The following ANKRD44 variants were observed in gnomAD, a reference collection of about 807,000 sequenced individuals.
ANKRD44 encodes ankyrin repeat domain 44.
In ANKRD44, 35 loss-of-function variants were observed where a neutral mutation model predicts 116.0. The observed-to-expected ratio is 0.30, with a 90% CI of 0.23 to 0.40. ANKRD44 has a LOEUF of 0.40. Ranked by LOEUF, ANKRD44 falls within the 10% of genes least tolerant of loss-of-function variation. The pLI is 1.00. For missense variants in ANKRD44, 1,014 were observed against 1,242.6 expected (o/e 0.82, Z 2.77); for synonymous variants, 435 against 461.8 (o/e 0.94, Z 0.74).
At chr2:197,136,475 C>G (rs995941129) in intron 4 of ANKRD44, 117 bp downstream of exon 4, 4 of 911,650 alleles carry the variant, frequency 4.4e-6, no homozygotes, top group East Asian at 2.5e-5. Context: ...TTTGGGTAAC[C>G]CTCTTACATT....
chr2:197,159,960 C>T (rs2079917699), intron 2 of ANKRD44, among the ~76,000 whole-genome samples: 1 of 152,170 alleles, frequency 6.6e-6, no homozygotes, highest in African/African-American at 2.4e-5. Context: ...GCTTCATCCT[C>T]CTCACAGCAT....
chr2:197,262,467 T>C (rs1444959068), intron 1 of ANKRD44, among the ~76,000 whole-genome samples: 2 of 152,220 alleles, frequency 1.3e-5, no homozygotes, highest in African/African-American at 4.8e-5. Flanking sequence ...TACCCCCTAG[T>C]GGGTGCCCTT....
intron 2 of ANKRD44, among the ~76,000 whole-genome samples, chr2:197,155,885 A>G (rs2079796722): frequency 6.6e-6 from 1 of 152,196 alleles, no homozygotes. Flanking sequence ...TAAGCCACAG[A>G]CTGGGGGAAC....
intron 1 of ANKRD44, among the ~76,000 whole-genome samples, chr2:197,188,742 A>G (rs142454912): frequency 3.2e-4 from 46 of 143,928 alleles, no homozygotes; most frequent in African/African-American, 1.1e-3. Flanking sequence ...ATCCTTGGTA[A>G]TTATGCACAC....
chr2:197,116,105 A>G (rs2078700768), intron 8 of ANKRD44, among the ~76,000 whole-genome samples: 1 of 152,238 alleles, frequency 6.6e-6, no homozygotes, highest in African/African-American at 2.4e-5. Flanking sequence ...AAGGGGCTGC[A>G]AAAACCAATG....
At chr2:197,134,098 C>G (rs1258041812) in intron 4 of ANKRD44, 1 of 152,016 alleles carries the variant, frequency 6.6e-6, no homozygotes, top group African/African-American at 2.4e-5. Context: ...GGGTTACAGG[C>G]ATGCGCCACC....
At chr2:197,049,687 G>A (rs2077069340) in intron 16 of ANKRD44, among the ~76,000 whole-genome samples, 1 of 151,278 alleles carries the variant, frequency 6.6e-6, no homozygotes, top group Admixed American at 6.6e-5. Context: ...TTGATATATT[G>A]CCCAGGCTGG....
intron 1 of ANKRD44, among the ~76,000 whole-genome samples, chr2:197,243,559 T>A (rs566060403): frequency 1.2e-3 from 185 of 152,344 alleles, no homozygotes; most frequent in Non-Finnish European, 1.9e-3. Flanking sequence ...CTTGAGTTGC[T>A]ATAACAAAAT....
chr2:197,300,031 G>A (rs1484008941), intron 1 of ANKRD44, among the ~76,000 whole-genome samples: 65 of 152,062 alleles, frequency 4.3e-4, no homozygotes, highest in Admixed American at 4.3e-3. Flanking sequence ...GGCCCATAAG[G>A]CAACACCTTA....
chr2:197,272,490 C>T (rs1211442556), intron 1 of ANKRD44, among the ~76,000 whole-genome samples: 1 of 152,234 alleles, frequency 6.6e-6, no homozygotes, highest in Non-Finnish European at 1.5e-5. Context: ...CCCGCCTTGG[C>T]CTCCCAAAGT....
intron 2 of ANKRD44, among the ~76,000 whole-genome samples, chr2:197,185,696 C>T (rs17388650): frequency 0.052 from 7,890 of 152,218 alleles, 308 homozygotes; most frequent in Middle Eastern, 0.11. Context: ...TACAGTGATT[C>T]TTAATCTTTT....
chr2:197,256,039 CAG>C (rs1296399266), intron 1 of ANKRD44, among the ~76,000 whole-genome samples: 1 of 152,174 alleles, frequency 6.6e-6, no homozygotes, highest in Non-Finnish European at 1.5e-5. Context: ...ACTTTCTTAA[CAG>C]GGGCTGTCTT....
intron 6 of ANKRD44, among the ~76,000 whole-genome samples, chr2:197,123,589 C>T (rs1214469121): frequency 6.6e-6 from 1 of 152,196 alleles, no homozygotes; most frequent in Non-Finnish European, 1.5e-5. Context: ...CGACATCACA[C>T]CACTGCACTC....
intron 17 of ANKRD44, among the ~76,000 whole-genome samples, chr2:197,014,715 C>T (rs1558991147): frequency 6.6e-6 from 1 of 150,994 alleles, no homozygotes; most frequent in African/African-American, 2.4e-5. Flanking sequence ...GAACCCAAGG[C>T]GGAGGTTGCA....
intron 4 of ANKRD44, 40 bp from the exon 5 acceptor site, chr2:197,126,077 G>A (rs747330379): frequency 2.2e-5 from 35 of 1,601,752 alleles, no homozygotes; most frequent in East Asian, 1.3e-4. Context: ...ACTGACAGAC[G>A]TTCAATCAAT....
Position 196,987,744 on chromosome 2 carries a change from G to C in ANKRD44, c.*1847C>G. 1.0e-6 allele frequency: 1 copy of C among 985,354 alleles called. No homozygotes were observed. Among genetic ancestry groups the C allele is most frequent in the Non-Finnish European group, 1.2e-6 (1 of 829,908 alleles). The allele number at this position is 985,354 out of a possible 1,614,324, so 61.0% of individuals were successfully genotyped here. A position where few individuals can be genotyped will look rare whatever the true frequency, so the allele number is the denominator to read the frequency against. On this transcript the variant is annotated 3_prime_UTR_variant, in exon 28 of 28. Coordinates refer to ENST00000282272, the MANE Select transcript of ANKRD44 (RefSeq NM_001195144.2). ...CAGGCAGACACTGGCAAATAAGTAAGTGCAATGAAACATGATCCTTGTAGT... is the reference window on the plus strand; with the variant it reads ...CAGGCAGACACTGGCAAATAAGTAACTGCAATGAAACATGATCCTTGTAGT...
At chr2:197,289,071 G>A (rs542361675) in intron 1 of ANKRD44, among the ~76,000 whole-genome samples, 2 of 152,188 alleles carry the variant, frequency 1.3e-5, no homozygotes, top group South Asian at 2.1e-4. Context: ...TGATACCAAC[G>A]TATAGAAATG....
chr2:197,033,066 G>A (rs1021046488), intron 16 of ANKRD44, among the ~76,000 whole-genome samples: 1 of 152,154 alleles, frequency 6.6e-6, no homozygotes, highest in African/African-American at 2.4e-5. Context: ...GAGAGATCTG[G>A]GATAGAGTTA....
At chr2:197,062,698 T>C (rs775317205) in intron 16 of ANKRD44, among the ~76,000 whole-genome samples, 4 of 152,202 alleles carry the variant, frequency 2.6e-5, no homozygotes, top group African/African-American at 9.6e-5. Context: ...GAAGACCCCA[T>C]GCCCACAAAG....
Sources: gnomAD v4.1 joint callset for allele counts (sites outside exome capture counted in the v4.1 genomes callset) on GRCh38, gnomAD v4.1.1 for gene constraint, MANE v1.5 for transcripts, NCBI Gene and HGNC (gene_info 2026-07-23, HGNC 2026-07-21) for gene names.